The following RIF1 variants were observed in gnomAD, a reference collection of about 807,000 sequenced individuals.
The protein encoded by RIF1 is replication timing regulatory factor 1.
Under a neutral mutation model 247.1 loss-of-function variants are expected in RIF1, and 45 were observed. The ratio of observed to expected loss-of-function variants is 0.18; its 90% CI spans 0.14 to 0.23. RIF1 has a LOEUF of 0.23. Ranked by LOEUF, RIF1 falls within the 10% of genes least tolerant of loss-of-function variation. The pLI, the probability that RIF1 is intolerant of heterozygous loss-of-function variation, is 1.00. For missense variants in RIF1, 2,967 were observed against 2,862.5 expected (o/e 1.04, Z -0.83); for synonymous variants, 1,087 against 978.8 (o/e 1.11, Z -2.06).
intron 34 of RIF1, among the ~76,000 whole-genome samples, chr2:151,472,479 C>T (rs1234667255): frequency 6.6e-6 from 1 of 152,152 alleles, no homozygotes; most frequent in Non-Finnish European, 1.5e-5. Flanking sequence ...TCAGTTTTTG[C>T]CCATTCAGTA....
intron 11 of RIF1, among the ~76,000 whole-genome samples, chr2:151,502,618 C>A (rs563123280): frequency 5.9e-5 from 9 of 152,006 alleles, no homozygotes; most frequent in Non-Finnish European, 1.3e-4. Context: ...TTAGAGAAAA[C>A]ACAGTTAAAA....
intron 12 of RIF1, among the ~76,000 whole-genome samples, chr2:151,503,711 C>T (rs1473601903): frequency 6.6e-6 from 1 of 152,114 alleles, no homozygotes; most frequent in Admixed American, 6.5e-5. Context: ...AATAAATTTA[C>T]CAATGAGAAA....
intron 3 of RIF1, among the ~76,000 whole-genome samples, chr2:151,413,096 A>G (rs1686563719): frequency 6.7e-6 from 1 of 149,750 alleles, no homozygotes; most frequent in Non-Finnish European, 1.5e-5. Flanking sequence ...CCCAGGCTGG[A>G]GTGCAATGGC....
At chr2:151,485,423 TTA>T (rs2049605080), downstream of RIF1, 1 of 188,020 alleles carries the variant, frequency 5.3e-6, no homozygotes, top group Non-Finnish European at 1.1e-5. Flanking sequence ...ATAATAAGCA[TTA>T]GCAATCAGCA....
intron 9 of RIF1, among the ~76,000 whole-genome samples, chr2:151,431,314 T>C (rs192683882): frequency 2.4e-4 from 37 of 152,312 alleles, no homozygotes; most frequent in African/African-American, 8.4e-4. Context: ...CTAAGAATCT[T>C]ATATACACAT....
intron 8 of RIF1, among the ~76,000 whole-genome samples, chr2:151,428,085 T>C (rs1689441655): frequency 6.6e-6 from 1 of 151,560 alleles, no homozygotes; most frequent in Admixed American, 6.6e-5. Context: ...AAAAATTAGC[T>C]GGGCGTGGTA....
chr2:151,464,512 T>C lies in RIF1; in HGVS notation c.4992T>C (p.Phe1664=). The C allele has an allele frequency of 6.2e-7, 1 of 1,612,278 alleles. No homozygotes were observed. The highest frequency in any genetic ancestry group is 8.5e-7 in the Non-Finnish European group (1 of 1,179,512). ...NETSKYAEYS[F]TSLPVPESNL... is the part of the protein sequence containing the mutation. ...CTAGCAAATATGCAGAATATTCCTT[T>C]ACAAGTCTACCTGTGCCAGAATCAA... The change falls in exon 30 of 36, where the codon TTT becomes TTC. Residue 1664 remains phenylalanine (F), a synonymous_variant. Coordinates refer to ENST00000444746, the MANE Select transcript of RIF1 (RefSeq NM_018151.5).
chr2:151,433,044 G>A (rs1245157386), intron 9 of RIF1, 33 bp from the exon 10 acceptor site: 9 of 1,547,278 alleles, frequency 5.8e-6, no homozygotes, highest in African/African-American at 1.4e-5. Context: ...TAGCTTGGAC[G>A]TCTCTTTAAC....
In RIF1 at chr2:151,420,256, T is replaced by G. The variant is rs773783152; in HGVS notation, c.570T>G (p.Pro190=). ...TGAGGTGGGCAAAACTGGTCATACC[T>G]TTAGTGGTTCATTCAGCACAAAAGG... is the stretch of plus-strand genomic sequence containing the variant. The part of the protein sequence containing the change: ...EAVRWAKLVI[P]LVVHSAQKVH... Residue 190 remains proline, a synonymous_variant, in exon 7 of 36, where the codon CCT becomes CCG. Coordinates refer to ENST00000444746, the MANE Select transcript of RIF1 (RefSeq NM_018151.5). 2 of 1,613,968 alleles carry G rather than the reference T, an allele frequency of 1.2e-6. No individual in the cohort carries two copies. Among genetic ancestry groups the G allele is most frequent in the Non-Finnish European group, 8.5e-7 (1 of 1,179,998 alleles).
chr2:151,456,599 A>G lies in RIF1; in HGVS notation c.2631A>G (p.Val877=), dbSNP rs1393421369. ...CTAGGCTTGATGAAGTTCCTAAAGT[A>G]TATAGTTGTCTGAACAACAAGGTAA... ...ENSKLDEVPK[V]YSCLNNKLEK... Residue 877 remains valine (V), a synonymous_variant, in exon 23 of 36, where the codon GTA becomes GTG. Coordinates refer to ENST00000444746, the MANE Select transcript of RIF1 (RefSeq NM_018151.5). 1.0e-5 allele frequency: 16 copies of G among 1,525,000 alleles called. No individual in the cohort carries two copies. The highest frequency in any genetic ancestry group is 1.4e-5 in the Non-Finnish European group (16 of 1,110,498). 94.5% of individuals were successfully genotyped at this position (1,525,000 alleles called of 1,614,324 possible).
At chr2:151,499,156 C>T (rs889702425) in intron 10 of RIF1, 4 of 495,146 alleles carry the variant, frequency 8.1e-6, no homozygotes, top group Non-Finnish European at 1.4e-5. Context: ...AAAACTGATT[C>T]ATAGGAAATG....
chr2:151,462,368 T>C (rs1205055360), intron 28 of RIF1, 44 bp from the exon 29 acceptor site: 2 of 1,469,134 alleles, frequency 1.4e-6, no homozygotes, highest in Non-Finnish European at 1.8e-6. Context: ...TTATTCATTT[T>C]CAAATAATTA....
chr2:151,505,506 A>G, intron 12 of RIF1: 1 of 1,613,758 alleles, frequency 6.2e-7, no homozygotes, highest in East Asian at 2.2e-5. Flanking sequence ...CGTCTCCTTC[A>G]CACGTTTCAC....
chr2:151,493,693 A>C (rs938303644), intron 9 of RIF1: 2 of 1,162,162 alleles, frequency 1.7e-6, no homozygotes, highest in African/African-American at 1.6e-5. Flanking sequence ...GTTTTGGAAA[A>C]ACTGTAAGAT....
At chr2:151,506,854 G>T in intron 13 of RIF1, 1 of 1,138,788 alleles carries the variant, frequency 8.8e-7, no homozygotes, top group Non-Finnish European at 1.3e-6. Flanking sequence ...TATTTTTAAA[G>T]AGGAGAGTGA....
chr2:151,527,169 G>A, the RIF1 span: 1 of 639,476 alleles, frequency 1.6e-6, no homozygotes, highest in South Asian at 2.0e-5. Context: ...GTCCCTCACT[G>A]CATTTTGGAC....
chr2:151,473,881 G>A, intron 34 of RIF1, 83 bp from the exon 35 acceptor site: 1 of 753,646 alleles, frequency 1.3e-6, no homozygotes, highest in South Asian at 1.5e-5. Context: ...TCCAGTGTTT[G>A]TACTATTACT....
chr2:151,531,462 A>G, the RIF1 span, among the ~76,000 whole-genome samples: 1 of 151,828 alleles, frequency 6.6e-6, no homozygotes, highest in South Asian at 2.1e-4. Flanking sequence ...GACCACAGGC[A>G]TGCACCACTG....
chr2:151,515,698 A>T, the RIF1 span, among the ~76,000 whole-genome samples: 1 of 152,186 alleles, frequency 6.6e-6, no homozygotes, highest in African/African-American at 2.4e-5. Flanking sequence ...TTTTAATAGA[A>T]TTTTAAATTT....
Sources: gnomAD v4.1 joint callset for allele counts (sites outside exome capture counted in the v4.1 genomes callset) on GRCh38, gnomAD v4.1.1 for gene constraint, MANE v1.5 for transcripts, NCBI Gene and HGNC (gene_info 2026-07-23, HGNC 2026-07-21) for gene names.